F8: variants seen among roughly 807,000 people sequenced by gnomAD.
The protein encoded by F8 is coagulation factor VIII.
Under a neutral mutation model 140.6 loss-of-function variants are expected in F8, and 12 were observed. The observed-to-expected ratio is 0.09, with a 90% CI of 0.05 to 0.14. F8 has a LOEUF of 0.14. Ranked by LOEUF, F8 falls within the 10% of genes least tolerant of loss-of-function variation. F8 has a pLI of 1.00. For missense variants in F8, 1,354 were observed against 1,720.7 expected (o/e 0.79, Z 3.77); for synonymous variants, 585 against 614.6 (o/e 0.95, Z 0.71).
chrX:155,012,073 T>C (rs1557286616), intron 1 of F8, among the ~76,000 whole-genome samples: 1 of 112,241 alleles, frequency 8.9e-6, no homozygotes, highest in African/African-American at 3.2e-5. Context: ...TAAATAAAGA[T>C]GATAGTTGTA....
chrX:154,859,865 A>G (rs2072676909), intron 25 of F8, among the ~76,000 whole-genome samples: 1 of 111,353 alleles, frequency 9.0e-6, no homozygotes, highest in African/African-American at 3.3e-5. Flanking sequence ...AAGAAATAGT[A>G]TCTATTTAAA....
chrX:154,896,503 TCGTACACA>T (rs1409231946), intron 21 of F8, among the ~76,000 whole-genome samples: 3 of 82,439 alleles, frequency 3.6e-5, no homozygotes, highest in African/African-American at 1.9e-4. Flanking sequence ...AGCCCCCATT[TCGTACACA>T]CACACACACA....
intron 1 of F8, among the ~76,000 whole-genome samples, chrX:155,010,601 G>C (rs1208637586): frequency 1.8e-5 from 2 of 110,943 alleles, no homozygotes; most frequent in Non-Finnish European, 3.8e-5. Context: ...ATAACAGAAA[G>C]CTAGATAATA....
chrX:154,928,539 G>A (rs2073171967), intron 14 of F8, 32 bp downstream of exon 14: 3 of 1,123,387 alleles, frequency 2.7e-6, no homozygotes, highest in East Asian at 3.0e-5. Context: ...TGTCACAAGA[G>A]CAGAGCAAAG....
chrX:154,867,690 C>CAAAA (rs373471645), intron 22 of F8, among the ~76,000 whole-genome samples: 119 of 40,605 alleles, frequency 2.9e-3, no homozygotes, highest in Non-Finnish European at 3.6e-3. Flanking sequence ...GACTCTGTCT[C>CAAAA]AAAAAAAAAA....
chrX:154,924,974 C>T (rs2073152355), intron 14 of F8, among the ~76,000 whole-genome samples: 1 of 112,226 alleles, frequency 8.9e-6, no homozygotes, highest in Non-Finnish European at 1.9e-5. Flanking sequence ...CCTCTTAGGC[C>T]TCTGGGCCGG....
chrX:154,921,413 A>G (rs782192144), intron 14 of F8, among the ~76,000 whole-genome samples: 2 of 111,895 alleles, frequency 1.8e-5, no homozygotes, highest in South Asian at 3.7e-4. Context: ...AAATAGGAAC[A>G]CTTTTACACT....
At chrX:154,949,647 T>C (rs782221255) in intron 12 of F8, among the ~76,000 whole-genome samples, 19 of 111,555 alleles carry the variant, frequency 1.7e-4, no homozygotes, top group Non-Finnish European at 3.0e-4. Flanking sequence ...TTTCTCACAG[T>C]TTTGAACACT....
intron 2 of F8, among the ~76,000 whole-genome samples, chrX:154,998,983 G>A (rs1384634243): frequency 9.0e-6 from 1 of 111,144 alleles, no homozygotes; most frequent in Admixed American, 9.6e-5. Flanking sequence ...TCCCCATGGG[G>A]TAAGCAACAC....
chrX:154,873,579 T>C (rs781931200), intron 22 of F8, among the ~76,000 whole-genome samples: 5 of 111,943 alleles, frequency 4.5e-5, no homozygotes, highest in Non-Finnish European at 7.5e-5. Context: ...TCATACTTCC[T>C]GATTTCAAAA....
At chrX:154,888,411 C>T (rs2072915781) in intron 22 of F8, among the ~76,000 whole-genome samples, 2 of 6,546 alleles carry the variant, frequency 3.1e-4, no homozygotes, top group African/African-American at 9.8e-4. Flanking sequence ...TTTTTTCCCC[C>T]CGAGATGGAG....
chrX:154,975,837 T>C (rs1557282917), intron 6 of F8, among the ~76,000 whole-genome samples: 1 of 112,269 alleles, frequency 8.9e-6, no homozygotes, highest in Non-Finnish European at 1.9e-5. Context: ...TGGGTGTATA[T>C]ATATTTATGC....
chrX:154,958,252 C>T (rs1443458509), intron 10 of F8, among the ~76,000 whole-genome samples: 1 of 111,960 alleles, frequency 8.9e-6, no homozygotes, highest in Non-Finnish European at 1.9e-5. Context: ...AGTGATATAT[C>T]CAAGACTCTA....
At chrX:154,965,350 G>T (rs1160205849) in intron 9 of F8, among the ~76,000 whole-genome samples, 3 of 111,272 alleles carry the variant, frequency 2.7e-5, no homozygotes, top group African/African-American at 9.8e-5. Context: ...TGGAACCAAC[G>T]ACCAATCTTC....
intron 14 of F8, among the ~76,000 whole-genome samples, chrX:154,907,831 G>T (rs2073046000): frequency 9.0e-6 from 1 of 111,449 alleles, no homozygotes; most frequent in African/African-American, 3.3e-5. Flanking sequence ...AGAGAAGCCT[G>T]TTAAAATCTA....
In F8 at chrX:154,904,804, T is replaced by C. The variant is rs782747117; in HGVS notation, c.5586+7A>G. ...AAAAGTGGTCAGCACAATAGACACCTGCTTACCAGGTCAACATCAGAGAAA... is the reference window on the plus strand; with the variant it reads ...AAAAGTGGTCAGCACAATAGACACCCGCTTACCAGGTCAACATCAGAGAAA... On this transcript the variant is annotated splice_region_variant and intron_variant, in intron 16 of 25. Coordinates refer to ENST00000360256, the MANE Select transcript of F8 (RefSeq NM_000132.4). The C allele has an allele frequency of 1.7e-5, 21 of 1,208,625 alleles. No individual in the cohort carries two copies. In the South Asian group the frequency reaches 3.3e-4, roughly 19 times the overall value.
At chrX:154,982,445 CAAAA>C (rs782689011) in intron 6 of F8, among the ~76,000 whole-genome samples, 23 of 59,512 alleles carry the variant, frequency 3.9e-4, no homozygotes, top group African/African-American at 1.4e-3. Flanking sequence ...GACTCCGTCT[CAAAA>C]AAAAAAAAAA....
intron 13 of F8, among the ~76,000 whole-genome samples, chrX:154,935,313 C>T (rs187613770): frequency 6.3e-5 from 7 of 111,877 alleles, no homozygotes; most frequent in African/African-American, 2.3e-4. Context: ...GTAGAATTAG[C>T]TATAAGAATT....
At chrX:154,899,320 C>A (rs1365680568) in intron 21 of F8, among the ~76,000 whole-genome samples, 1 of 112,132 alleles carries the variant, frequency 8.9e-6, no homozygotes, top group African/African-American at 3.2e-5. Flanking sequence ...CTGCCCTCAG[C>A]TTTTGTGAGG....
Sources: gnomAD v4.1 joint callset for allele counts (sites outside exome capture counted in the v4.1 genomes callset) on GRCh38, gnomAD v4.1.1 for gene constraint, MANE v1.5 for transcripts, NCBI Gene and HGNC (gene_info 2026-07-23, HGNC 2026-07-21) for gene names.